SIPA1L2: variants seen among roughly 807,000 people sequenced by gnomAD.
SIPA1L2 encodes the protein signal induced proliferation associated 1 like 2.
SIPA1L2 carries 56 observed loss-of-function variants against 163.9 expected under a neutral mutation model. That is an observed-to-expected ratio of 0.34 (90% CI 0.28 to 0.43). SIPA1L2 has a LOEUF of 0.43. Among genes scored for constraint, SIPA1L2 ranks in the 20% least tolerant of loss-of-function variants. SIPA1L2 has a pLI of 1.00. For missense variants in SIPA1L2, 1,974 were observed against 2,193.5 expected (o/e 0.90, Z 2.00); for synonymous variants, 877 against 865.7 (o/e 1.01, Z -0.23).
At chr1:232,491,533 G>T (rs919586507) in intron 4 of SIPA1L2, among the ~76,000 whole-genome samples, 3 of 152,146 alleles carry the variant, frequency 2.0e-5, no homozygotes, top group Admixed American at 6.5e-5. Context: ...TCCCGAGGCT[G>T]AACAGGGGAG....
At chr1:232,501,466 C>T (rs977771799) in intron 3 of SIPA1L2, among the ~76,000 whole-genome samples, 1 of 152,144 alleles carries the variant, frequency 6.6e-6, no homozygotes, top group Non-Finnish European at 1.5e-5. Context: ...GCATCTTCTT[C>T]TTGGGCCAGT....
intron 1 of SIPA1L2, among the ~76,000 whole-genome samples, chr1:232,581,537 TC>T (rs1445210172): frequency 6.6e-6 from 1 of 152,114 alleles, no homozygotes; most frequent in Non-Finnish European, 1.5e-5. Flanking sequence ...CCCCTAAACA[TC>T]CCAGTTACTT....
intron 3 of SIPA1L2, among the ~76,000 whole-genome samples, chr1:232,506,508 C>T (rs1666738036): frequency 6.6e-6 from 1 of 152,150 alleles, no homozygotes; most frequent in African/African-American, 2.4e-5. Context: ...AATGGATGGA[C>T]ACTTTTACCT....
At position 232,493,667 on chromosome 1, in the gene SIPA1L2, T is replaced by C. The variant is rs554569706; in HGVS notation, c.1484-7A>G. ...CCAAAGTAGTTTTGGTGCTCTATAA[T>C]GGAAGAGAGAGGGTGGCATCAAAAG... On this transcript the variant is annotated splice_region_variant and splice_polypyrimidine_tract_variant and intron_variant, in intron 3 of 22. Transcript: ENST00000674635. 1.8e-5 allele frequency: 29 copies of C among 1,613,612 alleles called. No individual in the cohort carries two copies. In the South Asian group the frequency reaches 2.6e-4, roughly 15 times the overall value.
intron 18 of SIPA1L2, among the ~76,000 whole-genome samples, chr1:232,416,857 A>G (rs1429366000): frequency 1.3e-5 from 2 of 152,110 alleles, no homozygotes; most frequent in East Asian, 1.9e-4. Flanking sequence ...GACCTTTTCC[A>G]TTTCTTTTTC....
intron 1 of SIPA1L2, among the ~76,000 whole-genome samples, chr1:232,601,734 A>G (rs1027040689): frequency 4.6e-5 from 7 of 152,244 alleles, no homozygotes; most frequent in Non-Finnish European, 1.0e-4. Context: ...CAAGTTACAG[A>G]AATGTCAAAG....
In SIPA1L2 at chr1:232,515,330, G is replaced by A; in HGVS notation, c.10C>T (p.Pro4Ser). ...TGCTTCTCTTCTTGTGACTGCCTTG[G>A]GTCACTCATGTCTACCGAGGAAGAG... is the stretch of plus-strand genomic sequence containing the variant. MSD[P>S]RQSQEEKHKL... is the part of the protein sequence containing the mutation. The change falls in exon 3 of 23, where the codon CCA (proline) becomes TCA (serine). Residue 4 changes from proline to serine, a missense_variant. Physicochemically the swap from Pro to Ser is moderately conservative, Grantham distance 74. This residue lies in a region of SIPA1L2 where 607 missense variants were observed against 624.0 expected (regional missense o/e 0.97). Transcript: ENST00000674635. The A allele has an allele frequency of 6.3e-7, 1 of 1,592,132 alleles. No individual in the cohort carries two copies. Among genetic ancestry groups the A allele is most frequent in the Non-Finnish European group, 8.6e-7 (1 of 1,168,322 alleles).
intron 21 of SIPA1L2, 79 bp from the exon 22 acceptor site, chr1:232,402,552 A>C (rs1388425068): frequency 6.4e-6 from 8 of 1,252,668 alleles, no homozygotes; most frequent in Admixed American, 2.0e-5. Context: ...CACTCGAAAA[A>C]ATTATTTCAT....
chr1:232,554,367 G>A (rs1268449333), intron 2 of SIPA1L2, among the ~76,000 whole-genome samples: 1 of 152,150 alleles, frequency 6.6e-6, no homozygotes, highest in Non-Finnish European at 1.5e-5. Context: ...GAAAGGATAT[G>A]GTGAAGTGGC....
intron 2 of SIPA1L2, among the ~76,000 whole-genome samples, chr1:232,566,551 T>C (rs1275495900): frequency 1.3e-5 from 2 of 152,238 alleles, no homozygotes; most frequent in Admixed American, 1.3e-4. Context: ...CATGGTACTA[T>C]AAATGCTTTC....
In SIPA1L2 at chr1:232,475,484, C is replaced by T. The variant is rs796856641; in HGVS notation, c.2086-3956G>A. On this transcript the variant is annotated intron_variant, in intron 7 of 22. Coordinates refer to ENST00000674635, the MANE Select transcript of SIPA1L2 (RefSeq NM_020808.5). ...GAATTATGCCTTGATTTTTAAGAGG[C>T]GTATAGAGTTTCCTACGGAAAAAGT... Among the ~76,000 whole-genome samples, 14 of 152,230 alleles carry T rather than the reference C, an allele frequency of 9.2e-5. 1 individual carries two copies. The highest frequency in any genetic ancestry group is 3.1e-4 in the African/African-American group (13 of 41,522).
In SIPA1L2 at chr1:232,513,956, T is replaced by C; in HGVS notation, c.1384A>G (p.Arg462Gly). The change falls in exon 3 of 23, where the codon AGA becomes GGA. Residue 462 changes from arginine to glycine, a missense_variant. Around this residue, in one of 3 missense-constraint regions of SIPA1L2, gnomAD observed 607 missense variants for 624.0 expected, o/e 0.97. Transcript: ENST00000674635. ...NAGVSVLEVP[R>G]ENQPIHREKV... is the part of the protein sequence containing the mutation. Reference sequence around the variant, plus strand: ...TCCCTGTGAATAGGCTGGTTTTCTCTGGGCACTTCCAAGACGGAGACACCT... The same window carrying C: ...TCCCTGTGAATAGGCTGGTTTTCTCCGGGCACTTCCAAGACGGAGACACCT... The C allele has an allele frequency of 1.2e-6, 2 of 1,614,238 alleles. No homozygotes were observed. The highest frequency in any genetic ancestry group is 2.2e-5 in the East Asian group (1 of 44,884).
At chr1:232,403,638 G>T in intron 20 of SIPA1L2, 67 bp from the exon 21 acceptor site, 1 of 1,518,408 alleles carries the variant, frequency 6.6e-7, no homozygotes, top group East Asian at 2.3e-5. Context: ...GTTTCTTTGT[G>T]GAAATGCAAT....
At chr1:232,484,034 A>G (rs2102979261) in intron 5 of SIPA1L2, 68 bp from the exon 6 acceptor site, 1 of 1,434,308 alleles carries the variant, frequency 7.0e-7, no homozygotes, top group South Asian at 1.3e-5. Context: ...AGTAAAATTA[A>G]AACTACAGAA....
intron 1 of SIPA1L2, among the ~76,000 whole-genome samples, chr1:232,623,626 A>G (rs1662930229): frequency 6.6e-6 from 1 of 151,932 alleles, no homozygotes; most frequent in African/African-American, 2.4e-5. Flanking sequence ...AAACAAAACA[A>G]AACAAAAAAA....
intron 1 of SIPA1L2, among the ~76,000 whole-genome samples, chr1:232,576,397 C>A (rs1418309672): frequency 6.6e-6 from 1 of 152,168 alleles, no homozygotes. Flanking sequence ...TGTAACTGTT[C>A]TAGGGTGGCA....
intron 2 of SIPA1L2, among the ~76,000 whole-genome samples, chr1:232,522,898 G>C (rs1573023178): frequency 1.3e-5 from 2 of 152,304 alleles, no homozygotes; most frequent in East Asian, 3.9e-4. Flanking sequence ...GGTTTACAAA[G>C]TATAGGATGA....
chr1:232,550,136 T>G (rs574840911), intron 2 of SIPA1L2, among the ~76,000 whole-genome samples: 1 of 152,226 alleles, frequency 6.6e-6, no homozygotes, highest in Non-Finnish European at 1.5e-5. Context: ...AAATACTTAT[T>G]AACAATGCTA....
At chr1:232,610,135 G>A (rs180926951) in intron 1 of SIPA1L2, among the ~76,000 whole-genome samples, 26 of 152,110 alleles carry the variant, frequency 1.7e-4, no homozygotes, top group Admixed American at 8.5e-4. Context: ...GGAAGTTTAC[G>A]TCTGTTAAAT....
Sources: allele counts gnomAD v4.1 joint callset (sites outside exome capture counted in the v4.1 genomes callset), GRCh38; gene constraint gnomAD v4.1.1; regional missense constraint gnomAD v4.1.1; transcripts MANE v1.5; gene names NCBI Gene and HGNC (gene_info 2026-07-23, HGNC 2026-07-21).